The following ZDHHC3 variants were observed in gnomAD, a reference collection of about 807,000 sequenced individuals.
ZDHHC3 encodes the protein palmitoyltransferase ZDHHC3.
ZDHHC3 carries 9 observed loss-of-function variants against 30.6 expected under a neutral mutation model. The observed-to-expected ratio is 0.29, with a 90% CI of 0.18 to 0.51. ZDHHC3 has a LOEUF of 0.51. Ranked by LOEUF, ZDHHC3 falls within the 20% of genes least tolerant of loss-of-function variation. The pLI is 0.97. For synonymous variants in ZDHHC3, 136 were observed against 140.2 expected, an observed-to-expected ratio of 0.97 and a Z score of 0.21; for missense variants, 246 against 384.2, an observed-to-expected ratio of 0.64 and a Z score of 3.01.
chr3:44,970,518 G>T (rs1705321985), intron 1 of ZDHHC3, among the ~76,000 whole-genome samples: 1 of 152,192 alleles, frequency 6.6e-6, no homozygotes, highest in South Asian at 2.1e-4. Context: ...GATTGCTAGG[G>T]CCCCTTGCAG....
intron 3 of ZDHHC3, among the ~76,000 whole-genome samples, chr3:44,943,707 T>C (rs1702647215): frequency 1.3e-5 from 2 of 152,212 alleles, no homozygotes; most frequent in African/African-American, 2.4e-5. Flanking sequence ...TAATTCAGCA[T>C]GTAAAGTTTC....
chr3:44,968,493 G>A (rs539776797), intron 1 of ZDHHC3, among the ~76,000 whole-genome samples: 1 of 152,220 alleles, frequency 6.6e-6, no homozygotes, highest in Non-Finnish European at 1.5e-5. Context: ...CCAGGAGTTC[G>A]AGACTAGCCT....
chr3:44,917,869 G>A lies in ZDHHC3; in HGVS notation c.*8820C>T, dbSNP rs1289931450. On this transcript the variant is annotated 3_prime_UTR_variant, in exon 7 of 7. Transcript: ENST00000424952. ...ATGAAGGTTGACAGCACTTTTTAGT[G>A]TTTGCTTCTCTCCCCACAGCAGCAT... 1.5e-6 allele frequency: 2 copies of A among 1,294,642 alleles called. No individual in the cohort carries two copies. The highest frequency in any genetic ancestry group is 2.5e-5 in the South Asian group (2 of 80,952). The allele number at this position is 1,294,642 out of a possible 1,614,324, so 80.2% of individuals were successfully genotyped here.
chr3:44,941,456 T>G (rs1702433025), intron 3 of ZDHHC3, among the ~76,000 whole-genome samples: 1 of 152,160 alleles, frequency 6.6e-6, no homozygotes, highest in Non-Finnish European at 1.5e-5. Flanking sequence ...GCACCAAAAA[T>G]GTATGCAAAA....
intron 3 of ZDHHC3, among the ~76,000 whole-genome samples, chr3:44,936,209 A>T (rs1204705877): frequency 6.6e-6 from 1 of 152,242 alleles, no homozygotes; most frequent in African/African-American, 2.4e-5. Flanking sequence ...ACATGAACAG[A>T]CACTTCAAAA....
chr3:44,929,089 A>G (rs955875167), intron 6 of ZDHHC3, among the ~76,000 whole-genome samples: 1 of 152,096 alleles, frequency 6.6e-6, no homozygotes, highest in Non-Finnish European at 1.5e-5. Context: ...GCTGGGCCGC[A>G]CTCCTGGTGT....
intron 3 of ZDHHC3, among the ~76,000 whole-genome samples, chr3:44,941,432 T>C (rs1473951357): frequency 6.6e-6 from 1 of 152,130 alleles, no homozygotes; most frequent in Non-Finnish European, 1.5e-5. Flanking sequence ...TCTGATCTCT[T>C]AGGGTCATTG....
rs141242058 is a variant in ZDHHC3, at chr3:44,947,197, C to A, written c.307-1905G>T. ...TTTTAGCAGCTGGTAAGTGGTGGCACGTCAAAACCATTAAGAGAGCAGAAG... is the reference window on the plus strand; with the variant it reads ...TTTTAGCAGCTGGTAAGTGGTGGCAAGTCAAAACCATTAAGAGAGCAGAAG... On this transcript the variant is annotated intron_variant, in intron 2 of 6. Coordinates refer to ENST00000424952, the MANE Select transcript of ZDHHC3 (RefSeq NM_001135179.2). Among the ~76,000 whole-genome samples the A allele has an allele frequency of 9.1e-3, 1,386 of 152,152 alleles. 20 individuals are homozygous for A. The highest frequency in any genetic ancestry group is 0.029 in the African/African-American group (1,216 of 41,516).
rs930851942 is a variant in ZDHHC3 at position 44,915,921 on chromosome 3, T to C, written c.*10768A>G. 1 of 152,254 alleles carries C rather than the reference T, an allele frequency of 6.6e-6. No individual in the cohort carries two copies. Among genetic ancestry groups the C allele is most frequent in the Non-Finnish European group, 1.5e-5 (1 of 68,070 alleles). 9.4% of individuals were successfully genotyped at this position (152,254 alleles called of 1,614,324 possible). A position where few individuals can be genotyped will look rare whatever the true frequency, so the allele number is the denominator to read the frequency against. The stretch of plus-strand genomic sequence containing the variant: ...CTCTCTGGTATTCCATCCACCATCC[T>C]GGCAGCCCAGAGCTGCTTCTGGGTT... On this transcript the variant is annotated 3_prime_UTR_variant, in exon 7 of 7. Coordinates refer to ENST00000424952, the MANE Select transcript of ZDHHC3 (RefSeq NM_001135179.2).
chr3:44,947,272 A>T (rs1703028918), intron 2 of ZDHHC3, among the ~76,000 whole-genome samples: 1 of 152,202 alleles, frequency 6.6e-6, no homozygotes, highest in Non-Finnish European at 1.5e-5. Context: ...CTGAGTCTGA[A>T]GTGCCTGAGG....
intron 4 of ZDHHC3, 89 bp from the exon 5 acceptor site, chr3:44,933,288 C>G: frequency 8.3e-7 from 1 of 1,202,768 alleles, no homozygotes; most frequent in Non-Finnish European, 1.2e-6. Context: ...GAATTTGCCA[C>G]TCAGGAACAC....
chr3:44,917,801 G>A lies in ZDHHC3; in HGVS notation c.*8888C>T, dbSNP rs1467516682. Reference sequence around the variant, plus strand: ...GCTAAGGGAAGCACTGGGGGTGCTGGGAGCGCACCATGCCCATAAGCCCCT... The same window carrying A: ...GCTAAGGGAAGCACTGGGGGTGCTGAGAGCGCACCATGCCCATAAGCCCCT... On this transcript the variant is annotated 3_prime_UTR_variant, in exon 7 of 7. Transcript: ENST00000424952. The A allele has an allele frequency of 7.4e-6, 9 of 1,223,822 alleles. No individual in the cohort carries two copies. The East Asian group carries it at 4.6e-4, about 62-fold the overall frequency. The allele number at this position is 1,223,822 out of a possible 1,614,324, so 75.8% of individuals were successfully genotyped here.
In ZDHHC3 at chr3:44,921,778, A is replaced by G; in HGVS notation, c.*4911T>C. 1 of 982,460 alleles carries G rather than the reference A, an allele frequency of 1.0e-6. No individual in the cohort carries two copies. The highest frequency in any genetic ancestry group is 1.2e-6 in the Non-Finnish European group (1 of 827,208). 60.9% of individuals were successfully genotyped at this position (982,460 alleles called of 1,614,324 possible). A position where few individuals can be genotyped will look rare whatever the true frequency, so the allele number is the denominator to read the frequency against. On this transcript the variant is annotated 3_prime_UTR_variant, in exon 7 of 7. Transcript: ENST00000424952. ...TATTTTGGTAGTAGGTGCGGTAATA[A>G]GTAGCCAAGCAGACATTTCAACCAA...
chr3:44,947,035 T>A (rs1322870911), intron 2 of ZDHHC3, among the ~76,000 whole-genome samples: 2 of 152,072 alleles, frequency 1.3e-5, no homozygotes, highest in South Asian at 4.1e-4. Context: ...AAAAACTGAA[T>A]TACGAGGATG....
chr3:44,974,653 T>G (rs933369129), intron 1 of ZDHHC3, among the ~76,000 whole-genome samples: 1 of 152,210 alleles, frequency 6.6e-6, no homozygotes. Context: ...TCAGTTTCCC[T>G]GGAAGGCAAA....
intron 2 of ZDHHC3, among the ~76,000 whole-genome samples, chr3:44,957,393 T>C (rs1308876406): frequency 6.6e-6 from 1 of 152,208 alleles, no homozygotes; most frequent in Non-Finnish European, 1.5e-5. Flanking sequence ...CTATTCATTT[T>C]ATTCCCACAC....
chr3:44,949,501 A>C (rs1236792664), intron 2 of ZDHHC3, among the ~76,000 whole-genome samples: 1 of 152,188 alleles, frequency 6.6e-6, no homozygotes, highest in Admixed American at 6.5e-5. Flanking sequence ...ATATTTATGA[A>C]ATATTCTATT....
intron 2 of ZDHHC3, among the ~76,000 whole-genome samples, chr3:44,955,249 G>A (rs992985358): frequency 6.6e-6 from 1 of 152,080 alleles, no homozygotes; most frequent in Non-Finnish European, 1.5e-5. Context: ...TCACTTCCAA[G>A]GGGGCTGTTT....
chr3:44,927,752 G>A (rs1267785083), intron 6 of ZDHHC3, among the ~76,000 whole-genome samples: 3 of 152,336 alleles, frequency 2.0e-5, no homozygotes, highest in South Asian at 2.1e-4. Context: ...GCTTGAGAAC[G>A]GGGCCCCTGC....
Sources: gnomAD v4.1 joint callset for allele counts (sites outside exome capture counted in the v4.1 genomes callset) on GRCh38, gnomAD v4.1.1 for gene constraint, MANE v1.5 for transcripts, NCBI Gene and HGNC (gene_info 2026-07-23, HGNC 2026-07-21) for gene names.